Variants in NCALD observed in about 807,000 individuals in gnomAD.
NCALD encodes the protein neurocalcin-delta.
NCALD carries 10 observed loss-of-function variants against 18.6 expected under a neutral mutation model. The observed-to-expected ratio is 0.54, with a 90% CI of 0.33 to 0.91. The LOEUF (loss-of-function observed/expected upper bound fraction) is 0.91. Ranked by LOEUF, NCALD falls within the 40% of genes least tolerant of loss-of-function variation. NCALD has a pLI of 0.03. For synonymous variants in NCALD, 88 were observed against 87.4 expected (o/e 1.01, Z -0.04); for missense variants, 184 against 247.6 (o/e 0.74, Z 1.72).
At chr8:101,914,949 A>C (rs961285908) in intron 3 of NCALD, among the ~76,000 whole-genome samples, 3 of 152,230 alleles carry the variant, frequency 2.0e-5, no homozygotes, top group Admixed American at 1.3e-4. Context: ...CCAGTTTCTC[A>C]ATCTCTAAAT....
intron 4 of NCALD, among the ~76,000 whole-genome samples, chr8:101,882,459 C>T (rs1371379971): frequency 2.6e-5 from 4 of 152,082 alleles, no homozygotes; most frequent in African/African-American, 4.8e-5. Flanking sequence ...CGACAGACAC[C>T]GAATCTGCCA....
chr8:101,832,316 C>T (rs1462549875), intron 4 of NCALD, among the ~76,000 whole-genome samples: 3 of 152,168 alleles, frequency 2.0e-5, no homozygotes, highest in African/African-American at 7.2e-5. Context: ...CTCTAACAGC[C>T]TGACCATTCT....
intron 2 of NCALD, among the ~76,000 whole-genome samples, chr8:101,988,154 C>CAAAAAAAAAAAAAAAAAAAAAA (rs141735735): frequency 1.6e-4 from 6 of 37,154 alleles, no homozygotes; most frequent in African/African-American, 4.2e-4. Flanking sequence ...GACTCCGTCT[C>CAAAAAAAAAAAAAAAAAAAAAA]AAAAAAAAAA....
intron 1 of NCALD, among the ~76,000 whole-genome samples, chr8:102,081,545 TAAAAA>T (rs770307937): frequency 7.7e-4 from 53 of 68,696 alleles, no homozygotes; most frequent in African/African-American, 3.5e-3. Flanking sequence ...CAAATAATGG[TAAAAA>T]AAAAAAAAAA....
intron 3 of NCALD, among the ~76,000 whole-genome samples, chr8:101,889,577 A>G (rs1230004619): frequency 6.6e-6 from 1 of 152,206 alleles, no homozygotes; most frequent in Non-Finnish European, 1.5e-5. Context: ...TCAAATGGTG[A>G]GAGGAGATTC....
At chr8:102,000,106 G>A (rs1821394487) in intron 2 of NCALD, among the ~76,000 whole-genome samples, 2 of 152,226 alleles carry the variant, frequency 1.3e-5, no homozygotes, top group Admixed American at 1.3e-4. Context: ...CCCAGGAAGT[G>A]CAAGGGGTTG....
At chr8:102,099,816 T>C (rs759638801) in intron 1 of NCALD, among the ~76,000 whole-genome samples, 2 of 151,184 alleles carry the variant, frequency 1.3e-5, no homozygotes, top group Non-Finnish European at 3.0e-5. Context: ...TCTACTAAAA[T>C]TACCAAAAAA....
At chr8:102,106,546 C>A (rs1202274518) in intron 1 of NCALD, among the ~76,000 whole-genome samples, 1 of 151,854 alleles carries the variant, frequency 6.6e-6, no homozygotes, top group Non-Finnish European at 1.5e-5. Flanking sequence ...GGACACATCC[C>A]TGTTCTCATC....
intron 1 of NCALD, among the ~76,000 whole-genome samples, chr8:102,026,434 C>T (rs1822460862): frequency 6.6e-6 from 1 of 152,166 alleles, no homozygotes; most frequent in Non-Finnish European, 1.5e-5. Flanking sequence ...TGGTTACAGG[C>T]CCCATGCAAG....
chr8:101,688,491 G>A lies in NCALD; in HGVS notation c.*818C>T, dbSNP rs1270949490. ...AAAAACAGTCTTCTGGAATAAGATTGTATTAGTGCTCACTAAACATGCATT... is the reference window on the plus strand; with the variant it reads ...AAAAACAGTCTTCTGGAATAAGATTATATTAGTGCTCACTAAACATGCATT... On this transcript the variant is annotated 3_prime_UTR_variant, in exon 4 of 4. Coordinates refer to ENST00000220931, the MANE Select transcript of NCALD (RefSeq NM_032041.3). 2 of 346,258 alleles carry A rather than the reference G, an allele frequency of 5.8e-6. No homozygotes were observed. Among genetic ancestry groups the A allele is most frequent in the Non-Finnish European group, 1.1e-5 (2 of 175,216 alleles). 21.4% of individuals were successfully genotyped at this position (346,258 alleles called of 1,614,324 possible). A position where few individuals can be genotyped will look rare whatever the true frequency, so the allele number is the denominator to read the frequency against.
chr8:101,842,348 A>T (rs953341804), intron 4 of NCALD, among the ~76,000 whole-genome samples: 1 of 152,194 alleles, frequency 6.6e-6, no homozygotes, highest in Non-Finnish European at 1.5e-5. Flanking sequence ...AAAAAGGAAA[A>T]AAAAACAAGA....
At chr8:101,998,042 C>G (rs1821304689) in intron 2 of NCALD, among the ~76,000 whole-genome samples, 1 of 152,156 alleles carries the variant, frequency 6.6e-6, no homozygotes, top group African/African-American at 2.4e-5. Context: ...AAAATGCCAG[C>G]TGGGGCAACC....
At chr8:101,994,729 C>T (rs1821173636) in intron 2 of NCALD, among the ~76,000 whole-genome samples, 1 of 152,228 alleles carries the variant, frequency 6.6e-6, no homozygotes, top group Admixed American at 6.5e-5. Flanking sequence ...ATCCCCAAGG[C>T]TCATTACTCT....
intron 1 of NCALD, among the ~76,000 whole-genome samples, chr8:101,773,821 C>T (rs745678435): frequency 6.6e-5 from 10 of 152,130 alleles, no homozygotes; most frequent in East Asian, 3.8e-4. Flanking sequence ...CTGAAAAACA[C>T]GTGCTTTCTC....
chr8:101,879,144 G>T lies in NCALD; in HGVS notation c.-20+7997C>A, dbSNP rs114627841. Among the ~76,000 whole-genome samples, 309 of 152,264 alleles carry T rather than the reference G, an allele frequency of 2.0e-3. 1 individual carries two copies. Among genetic ancestry groups the T allele is most frequent in the Non-Finnish European group, 3.6e-3 (242 of 68,026 alleles). ...GGTTTGGAGACTGCCAAACTTCCAC[G>T]GTGAGTTTCCTGGGGTAGATTCTAA... On this transcript the variant is annotated intron_variant, in intron 4 of 6. Coordinates refer to the NCALD transcript ENST00000311028.
At chr8:101,934,242 C>T (rs543792524) in intron 2 of NCALD, among the ~76,000 whole-genome samples, 2 of 152,226 alleles carry the variant, frequency 1.3e-5, no homozygotes, top group Non-Finnish European at 2.9e-5. Context: ...CCAGTGTACT[C>T]AAGGGGCAAA....
intron 1 of NCALD, among the ~76,000 whole-genome samples, chr8:102,080,375 C>T (rs1587037909): frequency 1.3e-5 from 2 of 152,264 alleles, no homozygotes; most frequent in Admixed American, 1.3e-4. Flanking sequence ...AACAATATAC[C>T]ACGGCACACC....
In NCALD at chr8:101,992,670, C is replaced by T. The variant is rs72679083; in HGVS notation, c.-157+27567G>A. Among the ~76,000 whole-genome samples, 281 of 152,280 alleles carry T rather than the reference C, an allele frequency of 1.8e-3. 3 individuals are homozygous for T. The South Asian group carries it at 0.021, about 11-fold the overall frequency. On this transcript the variant is annotated intron_variant, in intron 2 of 6. Transcript: ENST00000311028. ...TGAAAGAGCGAACACATGTGAAGCA[C>T]TCACAGCAGTTTCTGGAATGGGGTC...
At chr8:101,946,994 G>T (rs1345316034) in intron 2 of NCALD, among the ~76,000 whole-genome samples, 2 of 152,108 alleles carry the variant, frequency 1.3e-5, no homozygotes, top group Admixed American at 6.5e-5. Flanking sequence ...TTGCACCCAG[G>T]TCAGCTGCTG....
Sources: gnomAD v4.1 joint callset for allele counts (sites outside exome capture counted in the v4.1 genomes callset) on GRCh38, gnomAD v4.1.1 for gene constraint, MANE v1.5 for transcripts, NCBI Gene and HGNC (gene_info 2026-07-23, HGNC 2026-07-21) for gene names.